Variants in AKT3 observed in about 807,000 individuals in gnomAD.
The protein encoded by AKT3 is RAC-gamma serine/threonine-protein kinase.
A neutral mutation model predicts 65.3 loss-of-function variants in AKT3; 15 were observed. The ratio of observed to expected loss-of-function variants is 0.23; its 90% confidence interval spans 0.15 to 0.35. The LOEUF (loss-of-function observed/expected upper bound fraction) is 0.35. Ranked by LOEUF, AKT3 falls within the 10% of genes least tolerant of loss-of-function variation. The pLI is 1.00. For missense variants in AKT3, 243 were observed against 576.5 expected (o/e 0.42, Z 5.92); for synonymous variants, 206 against 183.8 (o/e 1.12, Z -0.98).
At chr1:243,488,394 T>A (rs1052178467) in exon 14 of AKT3, 1 of 157,230 alleles carries the variant, frequency 6.4e-6, no homozygotes, top group Admixed American at 6.1e-5. Context: ...CAATTCCACA[T>A]TTAATCCAAA....
At chr1:243,746,338 CTG>C (rs1377174868) in intron 2 of AKT3, among the ~76,000 whole-genome samples, 1 of 152,054 alleles carries the variant, frequency 6.6e-6, no homozygotes, top group African/African-American at 2.4e-5. Context: ...AAAATGTATT[CTG>C]TCTTTACATT....
At chr1:243,564,899 T>G (rs563402167) in intron 9 of AKT3, among the ~76,000 whole-genome samples, 1 of 152,180 alleles carries the variant, frequency 6.6e-6, no homozygotes, top group Non-Finnish European at 1.5e-5. Flanking sequence ...TGAAAGAATG[T>G]ACCTGGACTC....
At chr1:243,527,446 T>C (rs948672042) in intron 12 of AKT3, among the ~76,000 whole-genome samples, 1 of 152,196 alleles carries the variant, frequency 6.6e-6, no homozygotes, top group Non-Finnish European at 1.5e-5. Context: ...TCTTAAATCT[T>C]TTCTAAGTTG....
chr1:243,758,856 C>A (rs2148236270), intron 2 of AKT3, among the ~76,000 whole-genome samples: 1 of 152,274 alleles, frequency 6.6e-6, no homozygotes, highest in East Asian at 1.9e-4. Context: ...AGGTCAGGGA[C>A]CAGTACTTGT....
At chr1:243,849,392 C>CA (rs2148489930) in intron 1 of AKT3, among the ~76,000 whole-genome samples, 1 of 142,104 alleles carries the variant, frequency 7.0e-6, no homozygotes, top group African/African-American at 2.7e-5. Flanking sequence ...ACACACCCCC[C>CA]CCCCCACCCC....
intron 2 of AKT3, among the ~76,000 whole-genome samples, chr1:243,756,127 T>C (rs1689123139): frequency 6.6e-6 from 1 of 152,182 alleles, no homozygotes; most frequent in Non-Finnish European, 1.5e-5. Flanking sequence ...GAGATAGAAA[T>C]TGAAATGTCA....
intron 2 of AKT3, among the ~76,000 whole-genome samples, chr1:243,752,416 T>C (rs1038645077): frequency 6.6e-6 from 1 of 152,216 alleles, no homozygotes; most frequent in Non-Finnish European, 1.5e-5. Flanking sequence ...CTATAAATGT[T>C]ACGGAAATTA....
intron 2 of AKT3, among the ~76,000 whole-genome samples, chr1:243,836,509 T>C (rs192222716): frequency 3.4e-5 from 5 of 148,364 alleles, no homozygotes; most frequent in Admixed American, 6.7e-5. Context: ...TAGAAGACTA[T>C]GACCCATTAC....
intron 10 of AKT3, among the ~76,000 whole-genome samples, chr1:243,556,366 T>C (rs926331520): frequency 7.2e-5 from 11 of 152,074 alleles, no homozygotes; most frequent in Admixed American, 4.6e-4. Context: ...CTAATGTAAA[T>C]ATTTATTTGG....
At chr1:243,621,431 C>T (rs1310749743) in intron 6 of AKT3, among the ~76,000 whole-genome samples, 1 of 152,164 alleles carries the variant, frequency 6.6e-6, no homozygotes. Context: ...TCATTTGCTG[C>T]TTCCTTTGCT....
chr1:243,586,489 G>T (rs1354984072), intron 8 of AKT3, among the ~76,000 whole-genome samples: 1 of 152,040 alleles, frequency 6.6e-6, no homozygotes, highest in Non-Finnish European at 1.5e-5. Context: ...GACATGGATA[G>T]ACCGGATTAA....
chr1:243,847,961 G>A (rs1166235047), intron 1 of AKT3, among the ~76,000 whole-genome samples: 1 of 152,070 alleles, frequency 6.6e-6, no homozygotes, highest in Non-Finnish European at 1.5e-5. Context: ...AATAATTATG[G>A]AAAGAAAACC....
At chr1:243,680,145 A>G (rs1244511447) in intron 3 of AKT3, among the ~76,000 whole-genome samples, 1 of 152,158 alleles carries the variant, frequency 6.6e-6, no homozygotes, top group Non-Finnish European at 1.5e-5. Context: ...AACATTAAAA[A>G]TGTCTAAAAA....
At chr1:243,539,883 C>T (rs1672192858) in intron 12 of AKT3, among the ~76,000 whole-genome samples, 1 of 152,092 alleles carries the variant, frequency 6.6e-6, no homozygotes, top group African/African-American at 2.4e-5. Flanking sequence ...GAGCAAAATT[C>T]ATCTGAGTAA....
chr1:243,661,433 T>C (rs1682319922), intron 4 of AKT3, among the ~76,000 whole-genome samples: 2 of 151,718 alleles, frequency 1.3e-5, no homozygotes, highest in Admixed American at 6.6e-5. Flanking sequence ...TTGACAAACC[T>C]GAGAAAAACA....
chr1:243,645,793 C>G, intron 5 of AKT3, 100 bp downstream of exon 5: 1 of 1,201,924 alleles, frequency 8.3e-7, no homozygotes, highest in Non-Finnish European at 1.1e-6. Context: ...ATTTACATAT[C>G]GTAAGAAAAC....
chr1:243,639,654 C>T (rs1003995385), intron 5 of AKT3, among the ~76,000 whole-genome samples: 27 of 152,146 alleles, frequency 1.8e-4, no homozygotes, highest in Admixed American at 1.4e-3. Context: ...GGTCTGAAAA[C>T]GGGGGAAACT....
At chr1:243,815,543 T>A (rs1693456799) in intron 2 of AKT3, among the ~76,000 whole-genome samples, 1 of 151,780 alleles carries the variant, frequency 6.6e-6, no homozygotes, top group South Asian at 2.1e-4. Context: ...TGTAGCCAGT[T>A]CCAAATTCAA....
In AKT3 at chr1:243,549,595, T is replaced by C. The variant is rs141813180; in HGVS notation, c.1163+3134A>G. 4.8e-3 allele frequency among the ~76,000 whole-genome samples: 729 copies of C among 152,090 alleles called. 6 individuals carry two copies. Among genetic ancestry groups the C allele is most frequent in the African/African-American group, 0.017 (687 of 41,486 alleles). On this transcript the variant is annotated intron_variant, in intron 11 of 13. Coordinates refer to ENST00000673466, the MANE Select transcript of AKT3 (RefSeq NM_005465.7). ...AGCATGTGCCACCATACCCAGCATT[T>C]TATTTTTTTTTAGTAGAGATGAATC... is the stretch of plus-strand genomic sequence containing the variant.
Sources: gnomAD v4.1 joint callset for allele counts (sites outside exome capture counted in the v4.1 genomes callset) on GRCh38, gnomAD v4.1.1 for gene constraint, MANE v1.5 for transcripts, NCBI Gene and HGNC (gene_info 2026-07-23, HGNC 2026-07-21) for gene names.